The following GGNBP2 variants were observed in gnomAD, a reference collection of about 807,000 sequenced individuals.
GGNBP2 encodes the protein gametogenetin-binding protein 2.
A neutral mutation model predicts 85.9 loss-of-function variants in GGNBP2; 10 were observed. That is an observed-to-expected ratio of 0.12 (90% CI 0.07 to 0.20). The LOEUF is 0.20. Among genes scored for constraint, GGNBP2 ranks in the 10% least tolerant of loss-of-function variants. GGNBP2 has a pLI of 1.00. For synonymous variants in GGNBP2, 287 were observed against 285.7 expected, an observed-to-expected ratio of 1.00 and a Z score of -0.05; for missense variants, 595 against 857.8, an observed-to-expected ratio of 0.69 and a Z score of 3.83.
chr17:36,553,940 C>T (rs1004543490), intron 2 of GGNBP2, among the ~76,000 whole-genome samples: 2 of 152,062 alleles, frequency 1.3e-5, no homozygotes, highest in South Asian at 2.1e-4. Context: ...GTTTCATATG[C>T]CTTCCTATGG....
intron 2 of GGNBP2, among the ~76,000 whole-genome samples, chr17:36,550,314 G>T (rs189926377): frequency 3.3e-5 from 5 of 152,056 alleles, no homozygotes; most frequent in Admixed American, 6.5e-5. Flanking sequence ...ATAAGAGTTT[G>T]GGGTTTTGTT....
At chr17:36,577,930 C>T (rs1278481192) in intron 6 of GGNBP2, 53 bp from the exon 7 acceptor site, 2 of 1,412,014 alleles carry the variant, frequency 1.4e-6, no homozygotes, top group South Asian at 1.2e-5. Context: ...TTATATGCCA[C>T]AAGAAATAAT....
At chr17:36,564,515 G>A (rs1325669162) in intron 5 of GGNBP2, among the ~76,000 whole-genome samples, 1 of 152,170 alleles carries the variant, frequency 6.6e-6, no homozygotes, top group East Asian at 1.9e-4. Flanking sequence ...CACTACATGG[G>A]AAGTCATATG....
intron 2 of GGNBP2, among the ~76,000 whole-genome samples, chr17:36,551,925 T>A (rs1451773341): frequency 6.6e-6 from 1 of 152,224 alleles, no homozygotes; most frequent in African/African-American, 2.4e-5. Context: ...GATCAGAATA[T>A]AAATACATAC....
intron 5 of GGNBP2, among the ~76,000 whole-genome samples, chr17:36,566,700 C>T (rs2074472326): frequency 6.6e-6 from 1 of 151,602 alleles, no homozygotes. Flanking sequence ...AAAATTACCA[C>T]ATAGTTCTTA....
chr17:36,576,649 GTA>G (rs1236643568), intron 6 of GGNBP2: 37 of 116,474 alleles, frequency 3.2e-4, no homozygotes, highest in African/African-American at 1.3e-3. Flanking sequence ...ATATGTATAT[GTA>G]TATATATGTA....
chr17:36,556,032 A>G (rs2074357959), intron 3 of GGNBP2, among the ~76,000 whole-genome samples: 1 of 152,228 alleles, frequency 6.6e-6, no homozygotes, highest in African/African-American at 2.4e-5. Flanking sequence ...GGGTAATGGT[A>G]AATGTGAGAA....
At chr17:36,585,575 A>T (rs558623839) in intron 10 of GGNBP2, 125 bp downstream of exon 10, 1 of 715,576 alleles carries the variant, frequency 1.4e-6, no homozygotes, top group East Asian at 2.8e-5. Flanking sequence ...CAAGAATATC[A>T]TATAATTTAG....
chr17:36,550,259 G>A (rs1276940874), intron 2 of GGNBP2, among the ~76,000 whole-genome samples: 2 of 152,012 alleles, frequency 1.3e-5, no homozygotes, highest in Non-Finnish European at 2.9e-5. Flanking sequence ...TTTCTGCATT[G>A]CAGTTTACTC....
intron 10 of GGNBP2, 111 bp downstream of exon 10, chr17:36,585,561 G>A: frequency 1.3e-6 from 1 of 754,034 alleles, no homozygotes; most frequent in Admixed American, 2.9e-5. Flanking sequence ...CTGCTTTATA[G>A]TTCCAAGAAT....
At chr17:36,561,197 C>T (rs938941784) in intron 5 of GGNBP2, among the ~76,000 whole-genome samples, 1 of 151,894 alleles carries the variant, frequency 6.6e-6, no homozygotes, top group Admixed American at 6.6e-5. Flanking sequence ...AATCTCAGCT[C>T]ACTGCAACCT....
chr17:36,567,588 T>A (rs1202970221), intron 5 of GGNBP2, 75 bp from the exon 6 acceptor site: 2 of 730,172 alleles, frequency 2.7e-6, no homozygotes, highest in East Asian at 2.7e-5. Context: ...AGCAATACTT[T>A]AATCTGTTTT....
chr17:36,580,041 A>T (rs988879738), intron 8 of GGNBP2, among the ~76,000 whole-genome samples: 1 of 152,034 alleles, frequency 6.6e-6, no homozygotes, highest in East Asian at 1.9e-4. Context: ...AACAAAACAA[A>T]AAAAACACAC....
chr17:36,556,751 C>CTTTTTTTTTTT (rs10544073), intron 3 of GGNBP2, among the ~76,000 whole-genome samples: 2 of 52,818 alleles, frequency 3.8e-5, no homozygotes, highest in African/African-American at 6.3e-5. Flanking sequence ...CTGTATTGTG[C>CTTTTTTTTTTT]TTTTTTTTTT....
At chr17:36,557,980 C>T (rs1013801870) in intron 4 of GGNBP2, among the ~76,000 whole-genome samples, 1 of 151,982 alleles carries the variant, frequency 6.6e-6, no homozygotes, top group South Asian at 2.1e-4. Context: ...AGCATGGTGG[C>T]GCATGGCTGT....
At chr17:36,586,967 T>C (rs747314095) in intron 12 of GGNBP2, 30 bp from the exon 13 acceptor site, 1 of 1,599,480 alleles carries the variant, frequency 6.3e-7, no homozygotes, top group Non-Finnish European at 8.6e-7. Flanking sequence ...CATGCCTTTT[T>C]ACCTGTGAAA....
Position 36,589,515 on chromosome 17 carries a change from T to A in GGNBP2, c.*104T>A. The A allele has an allele frequency of 1.3e-6, 1 of 769,658 alleles. No homozygotes were observed. The highest frequency in any genetic ancestry group is 2.2e-6 in the Non-Finnish European group (1 of 463,436). The allele number at this position is 769,658 out of a possible 1,614,324, so 47.7% of individuals were successfully genotyped here. A position where few individuals can be genotyped will look rare whatever the true frequency, so the allele number is the denominator to read the frequency against. ...AGTGACTTATGGCAAAATTTTATCTTAAATCAATGTGATTCTTTCTTGTTT... is the reference window on the plus strand; with the variant it reads ...AGTGACTTATGGCAAAATTTTATCTAAAATCAATGTGATTCTTTCTTGTTT... On this transcript the variant is annotated 3_prime_UTR_variant, in exon 14 of 14. Transcript: ENST00000613102.
chr17:36,560,967 T>A, intron 5 of GGNBP2, 96 bp downstream of exon 5: 1 of 674,538 alleles, frequency 1.5e-6, no homozygotes, highest in East Asian at 2.8e-5. Context: ...TTGCTTTAAT[T>A]CATTAATTGG....
At chr17:36,545,902 A>T (rs1176505233) in intron 2 of GGNBP2, 85 bp downstream of exon 2, 1 of 962,818 alleles carries the variant, frequency 1.0e-6, no homozygotes, top group Non-Finnish European at 1.6e-6. Context: ...AGCGCTGCGC[A>T]CTGGAGAAAG....
Sources: allele counts gnomAD v4.1 joint callset (sites outside exome capture counted in the v4.1 genomes callset), GRCh38; gene constraint gnomAD v4.1.1; transcripts MANE v1.5; gene names NCBI Gene and HGNC (gene_info 2026-07-23, HGNC 2026-07-21).